The following MYOM1 variants were observed in gnomAD, a reference collection of about 807,000 sequenced individuals.
The protein encoded by MYOM1 is myomesin 1.
A neutral mutation model predicts 205.3 loss-of-function variants in MYOM1; 164 were observed. That is an observed-to-expected ratio of 0.80 (90% CI 0.70 to 0.91). MYOM1 has a LOEUF of 0.91. MYOM1 is among the 40% of genes least tolerant of loss of function. The pLI, the probability that MYOM1 is intolerant of heterozygous loss-of-function variation, is 0.00. For missense variants in MYOM1, 2,011 were observed against 2,127.3 expected (o/e 0.95, Z 1.08); for synonymous variants, 772 against 789.4 (o/e 0.98, Z 0.37).
At chr18:3,126,652 A>C in intron 19 of MYOM1, 49 bp downstream of exon 19, 1 of 1,538,094 alleles carries the variant, frequency 6.5e-7, no homozygotes, top group Non-Finnish European at 8.8e-7. Flanking sequence ...GCGTGCAAGC[A>C]TAGCGTCATA....
rs141732637 is a variant in MYOM1, at chr18:3,169,964, A to C, written c.1175-983T>G. ...ATACTCAATGGAATGTTATTCAGCA[A>C]AAAAAAAGATTGAAATCCTGTCATT... On this transcript the variant is annotated intron_variant, in intron 8 of 37. Transcript: ENST00000356443. Among the ~76,000 whole-genome samples, 181 of 149,370 alleles carry C rather than the reference A, an allele frequency of 1.2e-3. 2 individuals carry two copies. The East Asian group carries it at 0.033, about 27-fold the overall frequency.
intron 8 of MYOM1, 91 bp from the exon 9 acceptor site, chr18:3,169,072 CA>C (rs59171311): frequency 2.9e-3 from 2,577 of 887,600 alleles, no homozygotes; most frequent in Admixed American, 4.6e-3. Context: ...GCAGTCACAG[CA>C]AAAAAAAAAT....
intron 26 of MYOM1, among the ~76,000 whole-genome samples, chr18:3,092,533 T>C (rs1365572115): frequency 6.6e-6 from 1 of 151,438 alleles, no homozygotes; most frequent in East Asian, 1.9e-4. Context: ...TATTAGACTA[T>C]ACTTATTTTA....
chr18:3,089,450 T>C, intron 28 of MYOM1, 87 bp downstream of exon 28: 4 of 1,010,108 alleles, frequency 4.0e-6, no homozygotes, highest in Middle Eastern at 6.1e-4. Context: ...ATCAATAATA[T>C]TCATTTTAAT....
At chr18:3,211,087 G>C (rs2081185599) in intron 2 of MYOM1, among the ~76,000 whole-genome samples, 1 of 152,166 alleles carries the variant, frequency 6.6e-6, no homozygotes, top group African/African-American at 2.4e-5. Flanking sequence ...CTGCTGTGCT[G>C]TTCTCTGGTT....
intron 33 of MYOM1, among the ~76,000 whole-genome samples, chr18:3,083,427 C>CTTTTTTTTTTTTTTTTTTTTTTT (rs35959808): frequency 1.0e-5 from 1 of 98,524 alleles, no homozygotes; most frequent in Non-Finnish European, 1.8e-5. Flanking sequence ...TTTTCTTTTT[C>CTTTTTTTTTTTTTTTTTTTTTTT]TTTTTTTTTT....
At position 3,085,087 on chromosome 18, in the gene MYOM1, C is replaced by A; in HGVS notation, c.4297G>T (p.Asp1433Tyr). The A allele has an allele frequency of 6.2e-7, 1 of 1,609,404 alleles. No homozygotes were observed. Among genetic ancestry groups the A allele is most frequent in the South Asian group, 1.1e-5 (1 of 89,890 alleles). Residue 1433 changes from aspartate (D) to tyrosine (Y), a missense_variant, in exon 31 of 38, where the codon GAC becomes TAC. Physicochemically the swap from Asp to Tyr is radical, Grantham distance 160. Coordinates refer to ENST00000356443, the MANE Select transcript of MYOM1 (RefSeq NM_003803.4). ...AGIYEVILKD[D>Y]RGKDKSRLKL... ...AGTCTGCTCTTATCTTTTCCTCGGT[C>A]ATCTTTCAGGATAACTTCATAAATC...
intron 10 of MYOM1, among the ~76,000 whole-genome samples, chr18:3,164,009 T>C (rs1451201844): frequency 7.6e-6 from 1 of 132,376 alleles, no homozygotes; most frequent in African/African-American, 3.0e-5. Flanking sequence ...CATGCCGCCA[T>C]GCCCAGCTAA....
intron 11 of MYOM1, among the ~76,000 whole-genome samples, chr18:3,154,229 C>T (rs902936276): frequency 6.6e-5 from 10 of 151,848 alleles, no homozygotes; most frequent in African/African-American, 2.2e-4. Flanking sequence ...AGCATTCTTG[C>T]CAAATTAGTG....
At chr18:3,144,980 CT>C (rs1038140140) in intron 13 of MYOM1, among the ~76,000 whole-genome samples, 141 of 152,176 alleles carry the variant, frequency 9.3e-4, no homozygotes, top group African/African-American at 3.2e-3. Flanking sequence ...CTAACTTGAC[CT>C]AATTAATATT....
intron 34 of MYOM1, among the ~76,000 whole-genome samples, chr18:3,078,464 C>G (rs2079045813): frequency 6.6e-6 from 1 of 152,078 alleles, no homozygotes; most frequent in South Asian, 2.1e-4. Context: ...GAATCTTGCT[C>G]TGTTGCCCAG....
the MYOM1 span, among the ~76,000 whole-genome samples, chr18:3,244,969 AG>A: frequency 1.3e-5 from 2 of 151,730 alleles, no homozygotes; most frequent in Non-Finnish European, 2.9e-5. Flanking sequence ...AAAAAAAAAA[AG>A]AGGAAGAGAG....
At chr18:3,157,224 C>T (rs985928696) in intron 10 of MYOM1, among the ~76,000 whole-genome samples, 12 of 152,150 alleles carry the variant, frequency 7.9e-5, no homozygotes, top group Admixed American at 5.2e-4. Context: ...TGGCAGACAG[C>T]GGGCATTCAG....
At chr18:3,224,808 C>G (rs1352584114), upstream of MYOM1, among the ~76,000 whole-genome samples, 2 of 151,946 alleles carry the variant, frequency 1.3e-5, no homozygotes, top group African/African-American at 4.8e-5. Context: ...GGATTGCAGG[C>G]GCCCACCACC....
At chr18:3,163,647 T>C (rs1212944730) in intron 10 of MYOM1, among the ~76,000 whole-genome samples, 1 of 150,990 alleles carries the variant, frequency 6.6e-6, no homozygotes, top group Non-Finnish European at 1.5e-5. Context: ...AGAGATGAGA[T>C]TTTACCATGT....
the MYOM1 span, among the ~76,000 whole-genome samples, chr18:3,238,913 T>G: frequency 6.6e-6 from 1 of 152,208 alleles, no homozygotes; most frequent in African/African-American, 2.4e-5. Context: ...TCTAACAGTC[T>G]TCTTCTGCCT....
upstream of MYOM1, among the ~76,000 whole-genome samples, chr18:3,224,522 A>G (rs1206018124): frequency 6.6e-6 from 1 of 152,210 alleles, no homozygotes; most frequent in South Asian, 2.1e-4. Flanking sequence ...CAGAACTGGC[A>G]GGTAAGTGGG....
At chr18:3,081,379 A>G (rs958618704) in intron 33 of MYOM1, among the ~76,000 whole-genome samples, 1 of 152,206 alleles carries the variant, frequency 6.6e-6, no homozygotes, top group African/African-American at 2.4e-5. Flanking sequence ...AATCCGTTTC[A>G]AGGGTTTTTT....
intron 2 of MYOM1, among the ~76,000 whole-genome samples, chr18:3,195,456 CA>C (rs1434206977): frequency 6.6e-6 from 1 of 152,218 alleles, no homozygotes; most frequent in Non-Finnish European, 1.5e-5. Flanking sequence ...TCACAAAGTA[CA>C]GGCTGTGCTT....
Sources: gnomAD v4.1 joint callset for allele counts (sites outside exome capture counted in the v4.1 genomes callset) on GRCh38, gnomAD v4.1.1 for gene constraint, MANE v1.5 for transcripts, NCBI Gene and HGNC (gene_info 2026-07-23, HGNC 2026-07-21) for gene names.